GSTO1: variants seen among roughly 807,000 people sequenced by gnomAD.
The protein encoded by GSTO1 is glutathione S-transferase omega 1.
Under a neutral mutation model 23.8 loss-of-function variants are expected in GSTO1, and 27 were observed. That is an observed-to-expected ratio of 1.13 (90% CI 0.83 to 1.56). The LOEUF (loss-of-function observed/expected upper bound fraction) is 1.56. Among genes scored for constraint, GSTO1 ranks in the 40% most tolerant of loss-of-function variants. The pLI is 0.00. For missense variants in GSTO1, 255 were observed against 285.8 expected, an observed-to-expected ratio of 0.89 and a Z score of 0.78; for synonymous variants, 105 against 109.3, an observed-to-expected ratio of 0.96 and a Z score of 0.25.
intron 2 of GSTO1, among the ~76,000 whole-genome samples, chr10:104,258,753 TAGG>T (rs1049394174): frequency 6.6e-6 from 1 of 151,828 alleles, no homozygotes; most frequent in Non-Finnish European, 1.5e-5. Context: ...ACTCGGGAGG[TAGG>T]AGGATCGCTT....
chr10:104,266,789 A>G (rs2011192945), intron 5 of GSTO1, among the ~76,000 whole-genome samples: 1 of 151,700 alleles, frequency 6.6e-6, no homozygotes, highest in Admixed American at 6.6e-5. Flanking sequence ...TTGTTGCGGG[A>G]TTGTACGACC....
chr10:104,254,484 A>C (rs556164791), upstream of GSTO1: 119 of 202,510 alleles, frequency 5.9e-4, no homozygotes, highest in South Asian at 1.6e-3. Flanking sequence ...GCCTTTGGAG[A>C]GAACGCTCTG....
chr10:104,262,411 T>C (rs180747294), intron 3 of GSTO1, among the ~76,000 whole-genome samples: 6 of 152,292 alleles, frequency 3.9e-5, no homozygotes, highest in Non-Finnish European at 7.3e-5. Context: ...CTCAGTCTCC[T>C]TTAAAGAAAG....
intron 2 of GSTO1, among the ~76,000 whole-genome samples, chr10:104,258,214 G>A (rs1225780669): frequency 6.6e-6 from 1 of 152,186 alleles, no homozygotes; most frequent in African/African-American, 2.4e-5. Flanking sequence ...GGCAGAGGAG[G>A]CAGAGGACCA....
At chr10:104,259,876 C>A in intron 3 of GSTO1, 78 bp downstream of exon 3, 2 of 927,058 alleles carry the variant, frequency 2.2e-6, no homozygotes, top group Non-Finnish European at 3.5e-6. Context: ...ATTTATGGTT[C>A]AGTGATTTGG....
intron 5 of GSTO1, 69 bp downstream of exon 5, chr10:104,266,259 T>G: frequency 1.2e-6 from 1 of 833,060 alleles, no homozygotes; most frequent in South Asian, 1.4e-5. Flanking sequence ...GACCTTTCTT[T>G]ATAACAGAAG....
chr10:104,261,371 A>G (rs897461334), intron 3 of GSTO1, among the ~76,000 whole-genome samples: 2 of 152,148 alleles, frequency 1.3e-5, no homozygotes, highest in African/African-American at 4.8e-5. Context: ...TTATGTACAT[A>G]TGACCCTGCT....
upstream of GSTO1, chr10:104,254,675 A>C: frequency 1.8e-6 from 1 of 570,558 alleles, no homozygotes; most frequent in Non-Finnish European, 3.1e-6. Context: ...ATGACTGAGC[A>C]TTTATAACTT....
intron 3 of GSTO1, among the ~76,000 whole-genome samples, chr10:104,262,382 C>T (rs1196204469): frequency 6.6e-6 from 1 of 152,130 alleles, no homozygotes; most frequent in Non-Finnish European, 1.5e-5. Context: ...GTTCCGCCTC[C>T]CAATAATTCT....
intron 2 of GSTO1, among the ~76,000 whole-genome samples, chr10:104,257,780 G>A (rs1009725375): frequency 4.6e-5 from 7 of 152,278 alleles, no homozygotes; most frequent in African/African-American, 7.2e-5. Context: ...TGCCTCATAT[G>A]ATTTATAACT....
chr10:104,266,013 C>T, intron 4 of GSTO1, 71 bp from the exon 5 acceptor site: 3 of 813,150 alleles, frequency 3.7e-6, no homozygotes, highest in Non-Finnish European at 6.4e-6. Flanking sequence ...CTACTTATTT[C>T]CCTTCAGCAT....
Position 104,263,018 on chromosome 10 carries a change from A to G in GSTO1, c.406A>G (p.Lys136Glu). Residue 136 changes from lysine (K) to glutamate (E), a missense_variant, in exon 4 of 6, where the codon AAA (lysine) becomes GAA (glutamate). Coordinates refer to ENST00000369713, the MANE Select transcript of GSTO1 (RefSeq NM_004832.3). ...AGGAAGCTTTATTAGAAGCCAAAATAAAGAAGACTATGCTGGCCTAAAAGA... is the reference window on the plus strand; with the variant it reads ...AGGAAGCTTTATTAGAAGCCAAAATGAAGAAGACTATGCTGGCCTAAAAGA... ...LVGSFIRSQN[K>E]EDYAGLKEEF... 1 of 1,552,072 alleles carries G rather than the reference A, an allele frequency of 6.4e-7. No individual in the cohort carries two copies. Among genetic ancestry groups the G allele is most frequent in the South Asian group, 1.1e-5 (1 of 89,190 alleles).
intron 1 of GSTO1, 37 bp from the exon 2 acceptor site, chr10:104,255,126 T>G (rs990432182): frequency 1.9e-6 from 3 of 1,543,724 alleles, no homozygotes; most frequent in Non-Finnish European, 8.9e-7. Context: ...TCTCGACACC[T>G]CTCTGGGCCG....
At chr10:104,263,355 C>T (rs569890165) in intron 4 of GSTO1, among the ~76,000 whole-genome samples, 32 of 152,328 alleles carry the variant, frequency 2.1e-4, no homozygotes, top group African/African-American at 6.3e-4. Flanking sequence ...ATTGTACCCA[C>T]GTTTCCACAA....
At chr10:104,255,663 T>C (rs1011762721) in intron 2 of GSTO1, among the ~76,000 whole-genome samples, 26 of 152,348 alleles carry the variant, frequency 1.7e-4, no homozygotes, top group Non-Finnish European at 8.8e-5. Flanking sequence ...TAACTGTTAG[T>C]TGTTATTCTG....
rs1218165848 is a variant in GSTO1, at chr10:104,254,913, C to G, written c.-16C>G. 64 of 1,611,032 alleles carry G rather than the reference C, an allele frequency of 4.0e-5. No homozygotes were observed. The highest frequency in any genetic ancestry group is 5.3e-5 in the Non-Finnish European group (62 of 1,178,980). On this transcript the variant is annotated 5_prime_UTR_variant, in exon 1 of 6. Coordinates refer to ENST00000369713, the MANE Select transcript of GSTO1 (RefSeq NM_004832.3). ...CCCTGCAAACCCCAGAGGAGCTCGG[C>G]CTGCGCTGCGCCACGATGTCCGGGG...
chr10:104,259,652 G>C lies in GSTO1; in HGVS notation c.220G>C (p.Val74Leu). Reference protein sequence around the residue: ...FKKNPFGLVPVLENSQGQLIY... With the variant: ...FKKNPFGLVPLLENSQGQLIY... ...GAAAAATCCCTTTGGTCTGGTGCCA[G>C]TTCTGGAAAACAGTCAGGGTCAGCT... Residue 74 changes from valine (V) to leucine (L), a missense_variant, in exon 3 of 6, where the codon GTT becomes CTT. Physicochemically the swap from Val to Leu is conservative, Grantham distance 32. Transcript: ENST00000369713. 6.2e-7 allele frequency: 1 copy of C among 1,613,660 alleles called. No homozygotes were observed. The highest frequency in any genetic ancestry group is 8.5e-7 in the Non-Finnish European group (1 of 1,179,570).
At chr10:104,256,916 TAA>T (rs1232057655) in intron 2 of GSTO1, among the ~76,000 whole-genome samples, 2 of 152,098 alleles carry the variant, frequency 1.3e-5, no homozygotes, top group Non-Finnish European at 2.9e-5. Flanking sequence ...GGCTGGTACT[TAA>T]GTGTCCAGTA....
upstream of GSTO1, chr10:104,254,669 C>T (rs1301850318): frequency 7.2e-6 from 4 of 558,494 alleles, no homozygotes; most frequent in Admixed American, 3.2e-5. Context: ...GGAGGGATGA[C>T]TGAGCATTTA....
Sources: allele counts gnomAD v4.1 joint callset (sites outside exome capture counted in the v4.1 genomes callset), GRCh38; gene constraint gnomAD v4.1.1; transcripts MANE v1.5; gene names NCBI Gene and HGNC (gene_info 2026-07-23, HGNC 2026-07-21).